MACIR: variants seen among roughly 807,000 people sequenced by gnomAD.
The protein encoded by MACIR is macrophage immunometabolism regulator.
A neutral mutation model predicts 14.3 loss-of-function variants in MACIR; 4 were observed. The ratio of observed to expected loss-of-function variants is 0.28; its 90% CI spans 0.14 to 0.64. The LOEUF is 0.64. Ranked by LOEUF, MACIR falls within the 30% of genes least tolerant of loss-of-function variation. The pLI is 0.83. For missense variants in MACIR, 228 were observed against 257.6 expected (o/e 0.89, Z 0.79); for synonymous variants, 101 against 102.4 (o/e 0.99, Z 0.08).
chr5:103,267,748 C>T (rs572871923), intron 2 of MACIR, among the ~76,000 whole-genome samples: 2 of 152,120 alleles, frequency 1.3e-5, no homozygotes, highest in Admixed American at 6.6e-5. Context: ...TAGTAAAATC[C>T]GTCCTTTTAA....
intron 2 of MACIR, 51 bp downstream of exon 2, chr5:103,266,048 A>G (rs782443590): frequency 6.6e-6 from 1 of 152,144 alleles, no homozygotes; most frequent in Non-Finnish European, 1.5e-5. Flanking sequence ...TGAACACAAT[A>G]CCATAATGTG....
intron 1 of MACIR, among the ~76,000 whole-genome samples, chr5:103,264,385 A>T (rs543930807): frequency 6.6e-5 from 10 of 152,178 alleles, no homozygotes; most frequent in Middle Eastern, 3.2e-3. Context: ...CATAAGGAAG[A>T]TGCTAAAGAA....
At chr5:103,269,022 A>G (rs1805030698) in intron 2 of MACIR, among the ~76,000 whole-genome samples, 1 of 152,104 alleles carries the variant, frequency 6.6e-6, no homozygotes, top group Non-Finnish European at 1.5e-5. Flanking sequence ...CCTGGACAAC[A>G]TAGTGAGACC....
At chr5:103,270,426 T>G (rs535422620) in intron 2 of MACIR, among the ~76,000 whole-genome samples, 1 of 152,210 alleles carries the variant, frequency 6.6e-6, no homozygotes, top group Non-Finnish European at 1.5e-5. Context: ...TACCAAAATA[T>G]TAATAGGGGT....
chr5:103,266,349 C>A (rs1016086535), intron 2 of MACIR, among the ~76,000 whole-genome samples: 2 of 152,084 alleles, frequency 1.3e-5, no homozygotes, highest in African/African-American at 4.8e-5. Flanking sequence ...AAACATTAAT[C>A]TCCAAACATT....
At chr5:103,271,042 A>G (rs904156769) in intron 2 of MACIR, among the ~76,000 whole-genome samples, 3 of 151,562 alleles carry the variant, frequency 2.0e-5, no homozygotes, top group Non-Finnish European at 4.4e-5. Context: ...GAGTCTAACA[A>G]TAGAATTTCA....
chr5:103,276,659 C>A lies in MACIR; in HGVS notation c.*119C>A. On this transcript the variant is annotated 3_prime_UTR_variant, in exon 3 of 3. Transcript: ENST00000319933. The stretch of plus-strand genomic sequence containing the variant: ...AGATGGTTATATCAGCTAAGTGTTC[C>A]TGGAACATAAAAATTGTTTGGGTCA... 1 of 943,622 alleles carries A rather than the reference C, an allele frequency of 1.1e-6. No homozygotes were observed. The highest frequency in any genetic ancestry group is 1.5e-6 in the Non-Finnish European group (1 of 658,230). The allele number at this position is 943,622 out of a possible 1,614,324, so 58.5% of individuals were successfully genotyped here. A position where few individuals can be genotyped will look rare whatever the true frequency, so the allele number is the denominator to read the frequency against.
chr5:103,273,905 C>A (rs1348693432), intron 2 of MACIR, among the ~76,000 whole-genome samples: 1 of 152,140 alleles, frequency 6.6e-6, no homozygotes, highest in Non-Finnish European at 1.5e-5. Flanking sequence ...GAGACCTAGA[C>A]CAGAGTCTCA....
intron 2 of MACIR, among the ~76,000 whole-genome samples, chr5:103,268,599 A>G (rs551457753): frequency 6.6e-6 from 1 of 152,234 alleles, no homozygotes; most frequent in African/African-American, 2.4e-5. Context: ...TCCCAAACCT[A>G]TATGCATATT....
At chr5:103,259,912 G>A (rs1554236060) in intron 1 of MACIR, 1 of 152,332 alleles carries the variant, frequency 6.6e-6, no homozygotes, top group East Asian at 1.9e-4. Flanking sequence ...CGCCAGAAAG[G>A]AGATGGGAAC....
intron 2 of MACIR, among the ~76,000 whole-genome samples, chr5:103,266,669 A>C (rs900298236): frequency 1.3e-5 from 2 of 152,086 alleles, no homozygotes; most frequent in Non-Finnish European, 2.9e-5. Context: ...CCTTAAGACT[A>C]TATTAGTGTG....
At chr5:103,260,618 T>C (rs1804646553) in intron 1 of MACIR, among the ~76,000 whole-genome samples, 1 of 152,254 alleles carries the variant, frequency 6.6e-6, no homozygotes, top group Non-Finnish European at 1.5e-5. Flanking sequence ...TTAGTAATTA[T>C]TTCAGTGTAT....
At chr5:103,263,733 T>G (rs1804817919) in intron 1 of MACIR, among the ~76,000 whole-genome samples, 1 of 152,208 alleles carries the variant, frequency 6.6e-6, no homozygotes, top group Non-Finnish European at 1.5e-5. Flanking sequence ...CTGCTTGTTT[T>G]AAATTGACAT....
intron 2 of MACIR, among the ~76,000 whole-genome samples, chr5:103,267,412 CAAATATTTTCT>C (rs1230894927): frequency 6.6e-6 from 1 of 151,890 alleles, no homozygotes; most frequent in Non-Finnish European, 1.5e-5. Context: ...TTTGCTTTTT[CAAATATTTTCT>C]CTCTGTGATT....
At chr5:103,269,926 T>C (rs2149929325) in intron 2 of MACIR, among the ~76,000 whole-genome samples, 1 of 152,346 alleles carries the variant, frequency 6.6e-6, no homozygotes, top group Non-Finnish European at 1.5e-5. Context: ...AGTTTACATT[T>C]AGTTTGTAAA....
intron 1 of MACIR, among the ~76,000 whole-genome samples, chr5:103,264,909 T>G (rs1181581542): frequency 6.6e-6 from 1 of 152,130 alleles, no homozygotes; most frequent in Admixed American, 6.5e-5. Context: ...TGACACTTCT[T>G]GGGCTCTGTG....
At chr5:103,275,834 G>A in intron 2 of MACIR, 63 bp from the exon 3 acceptor site, 2 of 1,426,290 alleles carry the variant, frequency 1.4e-6, no homozygotes, top group Non-Finnish European at 1.9e-6. Flanking sequence ...CTTCTAAAAG[G>A]ACCTGGCCTG....
chr5:103,272,412 T>G (rs1012720729), intron 2 of MACIR, among the ~76,000 whole-genome samples: 31 of 152,014 alleles, frequency 2.0e-4, no homozygotes, highest in Non-Finnish European at 2.1e-4. Flanking sequence ...CCAGACTTCT[T>G]CCTCTGCAGA....
At chr5:103,272,258 T>C (rs1301048774) in intron 2 of MACIR, among the ~76,000 whole-genome samples, 10 of 152,232 alleles carry the variant, frequency 6.6e-5, no homozygotes, top group African/African-American at 2.2e-4. Flanking sequence ...CTGAGTTTCC[T>C]GATGGATGTC....
Sources: allele counts gnomAD v4.1 joint callset (sites outside exome capture counted in the v4.1 genomes callset), GRCh38; gene constraint gnomAD v4.1.1; transcripts MANE v1.5; gene names NCBI Gene and HGNC (gene_info 2026-07-23, HGNC 2026-07-21).